ITPR1: variants seen among roughly 807,000 people sequenced by gnomAD.
ITPR1 encodes the protein inositol 1,4,5-trisphosphate-gated calcium channel ITPR1.
In ITPR1, 96 loss-of-function variants were observed where a neutral mutation model predicts 318.4. The observed-to-expected ratio is 0.30, with a 90% CI of 0.26 to 0.36. ITPR1 has a LOEUF of 0.36. Among genes scored for constraint, ITPR1 ranks in the 10% least tolerant of loss-of-function variants. The pLI is 1.00. For synonymous variants in ITPR1, 1,312 were observed against 1,289.9 expected (o/e 1.02, Z -0.37); for missense variants, 2,440 against 3,460.2 (o/e 0.71, Z 7.40).
chr3:4,660,711 C>T lies in ITPR1; in HGVS notation c.1152-277C>T, dbSNP rs558242396. ...ACTTCCTGTTGCTCTGTCTCATGCT[C>T]TGTTTATGCTGAGACACTCATTCAT... is the stretch of plus-strand genomic sequence containing the variant. On this transcript the variant is annotated intron_variant, in intron 13 of 61. Transcript: ENST00000649015. Among the ~76,000 whole-genome samples, 40 of 152,238 alleles carry T rather than the reference C, an allele frequency of 2.6e-4. 1 individual carries two copies. The highest frequency in any genetic ancestry group is 9.1e-4 in the African/African-American group (38 of 41,548).
At chr3:4,804,733 T>C (rs188881046) in intron 54 of ITPR1, among the ~76,000 whole-genome samples, 112 of 152,280 alleles carry the variant, frequency 7.4e-4, no homozygotes, top group African/African-American at 2.7e-3. Context: ...TGAAATCCCC[T>C]CCACTAGCAA....
chr3:4,774,199 G>T (rs898490939), intron 46 of ITPR1, among the ~76,000 whole-genome samples: 22 of 152,024 alleles, frequency 1.4e-4, no homozygotes, highest in Admixed American at 5.2e-4. Flanking sequence ...TTCCATATTG[G>T]CACATAGGGA....
chr3:4,546,555 G>A (rs929206896), intron 4 of ITPR1, among the ~76,000 whole-genome samples: 3 of 152,176 alleles, frequency 2.0e-5, no homozygotes, highest in Non-Finnish European at 4.4e-5. Context: ...GTGTTCCTCT[G>A]ACCAGTCAGT....
At chr3:4,642,313 T>G in intron 7 of ITPR1, 62 bp downstream of exon 7, 1 of 1,324,242 alleles carries the variant, frequency 7.6e-7, no homozygotes, top group Non-Finnish European at 1.0e-6. Context: ...TGACTGTATA[T>G]TAGAGTTAAG....
At chr3:4,513,708 C>A (rs1164758339) in intron 2 of ITPR1, among the ~76,000 whole-genome samples, 1 of 152,116 alleles carries the variant, frequency 6.6e-6, no homozygotes, top group Admixed American at 6.5e-5. Context: ...CTCAGTTCTC[C>A]ATAATCATCC....
intron 5 of ITPR1, among the ~76,000 whole-genome samples, chr3:4,635,640 C>T (rs552672307): frequency 1.3e-5 from 2 of 151,662 alleles, no homozygotes; most frequent in South Asian, 4.2e-4. Context: ...CCACTGCGCC[C>T]AGCCAAAAGG....
intron 3 of ITPR1, among the ~76,000 whole-genome samples, chr3:4,518,954 A>C (rs573650678): frequency 8.5e-5 from 13 of 152,304 alleles, no homozygotes; most frequent in African/African-American, 2.9e-4. Flanking sequence ...CTTGGGCCTC[A>C]TCCTACAGCA....
chr3:4,733,728 G>A (rs2043088994), intron 43 of ITPR1, among the ~76,000 whole-genome samples: 1 of 152,188 alleles, frequency 6.6e-6, no homozygotes, highest in Non-Finnish European at 1.5e-5. Context: ...AAGCTTGTTA[G>A]TGGCTGGTCT....
intron 44 of ITPR1, among the ~76,000 whole-genome samples, chr3:4,753,355 C>T (rs1457856048): frequency 2.0e-5 from 3 of 152,020 alleles, no homozygotes; most frequent in Non-Finnish European, 2.9e-5. Context: ...TATGCGCTGC[C>T]GCCGCCAAAG....
intron 5 of ITPR1, 76 bp downstream of exon 5, chr3:4,627,954 A>T: frequency 1.2e-6 from 1 of 860,906 alleles, no homozygotes; most frequent in East Asian, 2.6e-5. Context: ...TAATGGTGGG[A>T]GACTGCTTAT....
intron 5 of ITPR1, among the ~76,000 whole-genome samples, chr3:4,638,952 C>T (rs569182722): frequency 1.1e-4 from 16 of 152,138 alleles, no homozygotes; most frequent in Non-Finnish European, 1.8e-4. Flanking sequence ...TATTAAATAA[C>T]ACATTCAAGT....
chr3:4,670,961 G>A (rs1341596407), intron 20 of ITPR1, 35 bp downstream of exon 20: 13 of 1,432,282 alleles, frequency 9.1e-6, no homozygotes, highest in Non-Finnish European at 1.2e-5. Flanking sequence ...AGATTGGGGT[G>A]CCCCAAAACA....
chr3:4,736,072 A>G lies in ITPR1; in HGVS notation c.5544+718A>G, dbSNP rs914455807. ...AATACATAAATAACATAACTTTTAT[A>G]TATGATCCCTTTAAATATTTTTAAT... is the stretch of plus-strand genomic sequence containing the variant. On this transcript the variant is annotated intron_variant, in intron 44 of 61. Transcript: ENST00000649015. Among the ~76,000 whole-genome samples, 6 of 152,302 alleles carry G rather than the reference A, an allele frequency of 3.9e-5. No individual in the cohort carries two copies. The East Asian group carries it at 5.8e-4, about 15-fold the overall frequency.
intron 23 of ITPR1, among the ~76,000 whole-genome samples, chr3:4,675,979 A>G (rs1413690821): frequency 6.6e-6 from 1 of 152,190 alleles, no homozygotes; most frequent in Non-Finnish European, 1.5e-5. Flanking sequence ...GTCAAGCAGC[A>G]TCAGGATTTG....
At position 4,596,212 on chromosome 3, in the gene ITPR1, T is replaced by C. The variant is rs561610180; in HGVS notation, c.164-31551T>C. On this transcript the variant is annotated intron_variant, in intron 4 of 61. Transcript: ENST00000649015. ...AAGTTTCTACAGCGAAATTTCCTGA[T>C]GAGCCAAGAATTAAGCAAAAGTTCC... 7 of 152,328 alleles carry C rather than the reference T, an allele frequency of 4.6e-5. No homozygotes were observed. In the East Asian group the frequency reaches 1.2e-3, roughly 25 times the overall value. 9.4% of individuals were successfully genotyped at this position (152,328 alleles called of 1,614,324 possible). A position where few individuals can be genotyped will look rare whatever the true frequency, so the allele number is the denominator to read the frequency against.
At chr3:4,519,519 C>G (rs1247708677) in intron 3 of ITPR1, among the ~76,000 whole-genome samples, 1 of 152,212 alleles carries the variant, frequency 6.6e-6, no homozygotes, top group Non-Finnish European at 1.5e-5. Flanking sequence ...GCCACCATGC[C>G]TGGCCATGGC....
chr3:4,766,799 T>G, intron 45 of ITPR1, 89 bp downstream of exon 45: 1 of 1,049,960 alleles, frequency 9.5e-7, no homozygotes, highest in Non-Finnish European at 1.3e-6. Flanking sequence ...TTCTGTGCTC[T>G]AAAATGCATT....
rs190146349 is a variant in ITPR1 at position 4,582,254 on chromosome 3, G to A, written c.164-45509G>A. Among the ~76,000 whole-genome samples, 201 of 152,142 alleles carry A rather than the reference G, an allele frequency of 1.3e-3. 2 individuals are homozygous for A. The highest frequency in any genetic ancestry group is 4.6e-3 in the African/African-American group (189 of 41,488). On this transcript the variant is annotated intron_variant, in intron 4 of 61. Transcript: ENST00000649015. The stretch of plus-strand genomic sequence containing the variant: ...CTCTCCCCTTAGCATATGCGCTTTG[G>A]GTTCTAGACTTGTTCGAACATGCCA...
At chr3:4,610,667 G>A (rs2092014244) in intron 4 of ITPR1, among the ~76,000 whole-genome samples, 2 of 152,080 alleles carry the variant, frequency 1.3e-5, no homozygotes, top group South Asian at 2.1e-4. Context: ...CCTCAGCAAA[G>A]GGTTTAACCC....
Sources: allele counts gnomAD v4.1 joint callset (sites outside exome capture counted in the v4.1 genomes callset), GRCh38; gene constraint gnomAD v4.1.1; transcripts MANE v1.5; gene names NCBI Gene and HGNC (gene_info 2026-07-23, HGNC 2026-07-21).